The following RGS22 variants were observed in gnomAD, a reference collection of about 807,000 sequenced individuals.
RGS22 encodes the protein regulator of G protein signaling 22, also known as regulator of G-protein signaling 22.
Under a neutral mutation model 172.9 loss-of-function variants are expected in RGS22, and 148 were observed. The observed-to-expected ratio is 0.86, with a 90% CI of 0.75 to 0.98. RGS22 has a LOEUF of 0.98. RGS22 is among the 50% of genes least tolerant of loss of function. RGS22 has a pLI of 0.00. For missense variants in RGS22, 1,347 were observed against 1,440.8 expected, an observed-to-expected ratio of 0.93 and a Z score of 1.05; for synonymous variants, 458 against 480.2, an observed-to-expected ratio of 0.95 and a Z score of 0.60.
chr8:100,019,567 A>C (rs929530110), intron 14 of RGS22, among the ~76,000 whole-genome samples: 1 of 152,224 alleles, frequency 6.6e-6, no homozygotes, highest in African/African-American at 2.4e-5. Context: ...GTGAGATCTT[A>C]ATACTAGTTG....
At chr8:100,048,320 C>G (rs1820944940) in intron 10 of RGS22, among the ~76,000 whole-genome samples, 1 of 152,000 alleles carries the variant, frequency 6.6e-6, no homozygotes. Flanking sequence ...AGTCTAAGTA[C>G]AGTAAAACAA....
rs1406184868 is a variant in RGS22, at chr8:100,063,734, A to G, written c.1034T>C (p.Phe345Ser). 4.3e-6 allele frequency: 7 copies of G among 1,613,890 alleles called. No homozygotes were observed. Among genetic ancestry groups the G allele is most frequent in the Non-Finnish European group, 5.9e-6 (7 of 1,179,966 alleles). ...AAATGACACTTTTGTTATATTGTTG[A>G]AGTTTATATAGTCTGGGGTTTCTCC... ...PVGETPDYIN[F>S]NNITKVSFDD... Residue 345 changes from phenylalanine to serine, a missense_variant, in exon 8 of 28, where the codon TTC (phenylalanine) becomes TCC (serine). Physicochemically the swap from Phe to Ser is radical, Grantham distance 155. Transcript: ENST00000360863.
At chr8:100,105,690 T>C (rs1016792871) in intron 1 of RGS22, 2 of 559,490 alleles carry the variant, frequency 3.6e-6, no homozygotes, top group Non-Finnish European at 3.1e-6. Context: ...ATATGCAGAA[T>C]TAAGCGAGAT....
intron 4 of RGS22, among the ~76,000 whole-genome samples, chr8:100,077,002 GA>G (rs906789533): frequency 1.3e-5 from 2 of 149,660 alleles, no homozygotes; most frequent in African/African-American, 2.5e-5. Flanking sequence ...CAAAAAAAAA[GA>G]AAAAAAAAGT....
intron 15 of RGS22, among the ~76,000 whole-genome samples, chr8:100,008,027 T>A (rs921383979): frequency 2.6e-5 from 4 of 151,490 alleles, no homozygotes; most frequent in African/African-American, 9.6e-5. Flanking sequence ...ATTTTTATTT[T>A]ATTTTTTATT....
In RGS22 at chr8:100,062,726, T is replaced by G; in HGVS notation, c.1379A>C (p.Tyr460Ser). The G allele has an allele frequency of 1.9e-6, 3 of 1,601,434 alleles. No homozygotes were observed. Among genetic ancestry groups the G allele is most frequent in the East Asian group, 2.3e-5 (1 of 44,318 alleles). Reference sequence around the variant, plus strand: ...GTAGTAATCTCCATTGCTCACTAGATAGCATTTTTTCATCTTCTCAAGATG... The same window carrying G: ...GTAGTAATCTCCATTGCTCACTAGAGAGCATTTTTTCATCTTCTCAAGATG... ...QRHLEKMKKC[Y>S]LVSNGDYYLS... Residue 460 changes from tyrosine to serine, a missense_variant, in exon 9 of 28, where the codon TAT becomes TCT. By Grantham distance (144) the Tyr-to-Ser change is moderately radical. Transcript: ENST00000360863.
At chr8:100,080,408 G>T in intron 3 of RGS22, 53 bp from the exon 4 acceptor site, 1 of 1,318,434 alleles carries the variant, frequency 7.6e-7, no homozygotes, top group Non-Finnish European at 1.1e-6. Context: ...GGAAACTCAT[G>T]GTCTCTAAGA....
intron 6 of RGS22, among the ~76,000 whole-genome samples, chr8:100,070,752 C>T (rs545390289): frequency 1.1e-4 from 16 of 152,140 alleles, no homozygotes; most frequent in African/African-American, 2.9e-4. Context: ...ATCTGCTTTA[C>T]ATGTATTTGA....
At chr8:99,990,700 T>C (rs1813624528) in intron 20 of RGS22, among the ~76,000 whole-genome samples, 1 of 152,140 alleles carries the variant, frequency 6.6e-6, no homozygotes, top group Non-Finnish European at 1.5e-5. Context: ...AGGGCATAAC[T>C]GAACAAAAGG....
intron 4 of RGS22, among the ~76,000 whole-genome samples, chr8:100,076,206 G>A (rs1463156166): frequency 6.6e-6 from 1 of 152,044 alleles, no homozygotes; most frequent in African/African-American, 2.4e-5. Flanking sequence ...GTCCTTTAGA[G>A]CGTGAAAGTT....
intron 12 of RGS22, among the ~76,000 whole-genome samples, chr8:100,041,353 T>C (rs565958231): frequency 2.0e-5 from 3 of 152,058 alleles, no homozygotes; most frequent in African/African-American, 7.2e-5. Context: ...TAGCCAGGCG[T>C]GGTGGTGTGC....
chr8:100,044,803 C>T (rs1445695019), intron 11 of RGS22, among the ~76,000 whole-genome samples: 6 of 152,058 alleles, frequency 3.9e-5, no homozygotes, highest in African/African-American at 1.2e-4. Context: ...AATGCTTCCT[C>T]GATTTTCTAC....
chr8:100,071,984 G>A (rs1197995880), intron 5 of RGS22, among the ~76,000 whole-genome samples, 161 bp downstream of exon 5: 2 of 152,180 alleles, frequency 1.3e-5, no homozygotes, highest in Admixed American at 1.3e-4. Flanking sequence ...CTCTCTTGAA[G>A]CCAGGAGTTC....
At chr8:100,098,707 T>G (rs28520594) in intron 2 of RGS22, among the ~76,000 whole-genome samples, 7,816 of 151,978 alleles carry the variant, frequency 0.051, 650 homozygotes, top group African/African-American at 0.18. Context: ...TCTTTCTTCC[T>G]TCTTCTTCTC....
At chr8:100,024,808 A>T (rs1369652525) in intron 14 of RGS22, among the ~76,000 whole-genome samples, 1 of 152,146 alleles carries the variant, frequency 6.6e-6, no homozygotes, top group African/African-American at 2.4e-5. Context: ...CCTAAGTCTC[A>T]GTTTCCAAAT....
intron 4 of RGS22, among the ~76,000 whole-genome samples, chr8:100,074,753 TTTTTTTG>T (rs1204224763): frequency 5.9e-5 from 9 of 151,830 alleles, no homozygotes; most frequent in African/African-American, 2.2e-4. Context: ...TTTTTTGTTT[TTTTTTTG>T]TTTTTTGTTT....
chr8:100,054,658 AC>A (rs1822056584), intron 9 of RGS22, among the ~76,000 whole-genome samples: 1 of 152,192 alleles, frequency 6.6e-6, no homozygotes, highest in Admixed American at 6.5e-5. Flanking sequence ...TGATATGGAC[AC>A]AGATTGGGAG....
intron 2 of RGS22, among the ~76,000 whole-genome samples, chr8:100,097,471 T>C (rs1037207292): frequency 6.6e-6 from 1 of 152,210 alleles, no homozygotes; most frequent in Non-Finnish European, 1.5e-5. Flanking sequence ...AGGACAGCTA[T>C]GTGAAAAAGC....
chr8:100,060,253 T>C (rs1475048681), intron 9 of RGS22, among the ~76,000 whole-genome samples: 1 of 151,816 alleles, frequency 6.6e-6, no homozygotes, highest in Non-Finnish European at 1.5e-5. Context: ...TCTTTTATTA[T>C]ACTAATGTCA....
Sources: allele counts gnomAD v4.1 joint callset (sites outside exome capture counted in the v4.1 genomes callset), GRCh38; gene constraint gnomAD v4.1.1; transcripts MANE v1.5; gene names NCBI Gene and HGNC (gene_info 2026-07-23, HGNC 2026-07-21).